The following TUBGCP3 variants were observed in gnomAD, a reference collection of about 807,000 sequenced individuals.
The protein encoded by TUBGCP3 is gamma-tubulin complex component 3.
Under a neutral mutation model 123.1 loss-of-function variants are expected in TUBGCP3, and 50 were observed. That is an observed-to-expected ratio of 0.41 (90% confidence interval 0.32 to 0.51). The LOEUF is 0.51. TUBGCP3 is among the 20% of genes least tolerant of loss of function. The pLI is 0.36. For synonymous variants in TUBGCP3, 405 were observed against 413.9 expected, an observed-to-expected ratio of 0.98 and a Z score of 0.26; for missense variants, 882 against 1,127.0, an observed-to-expected ratio of 0.78 and a Z score of 3.11.
rs925403803 is a variant in TUBGCP3, at chr13:112,522,379, C to G, written c.1686G>C (p.Met562Ile). The change falls in exon 14 of 22, where the codon ATG becomes ATC. Residue 562 changes from methionine to isoleucine, a missense_variant. Physicochemically the swap from Met to Ile is conservative, Grantham distance 10. Coordinates refer to ENST00000261965, the MANE Select transcript of TUBGCP3 (RefSeq NM_006322.6). The stretch of plus-strand genomic sequence containing the variant: ...CTTGACCAAGAAGCAGGTACCGCCT[C>G]ATTGCCTGCATGTGGTCCAGCAAGC... ...KYSLLDHMQA[M>I]RRYLLLGQGD... The G allele has an allele frequency of 9.3e-6, 15 of 1,614,018 alleles. No homozygotes were observed. Among genetic ancestry groups the G allele is most frequent in the Non-Finnish European group, 1.1e-5 (13 of 1,179,862 alleles).
At chr13:112,506,040 C>T (rs1175090286) in intron 17 of TUBGCP3, among the ~76,000 whole-genome samples, 1 of 152,144 alleles carries the variant, frequency 6.6e-6, no homozygotes, top group Non-Finnish European at 1.5e-5. Flanking sequence ...AAATATATGG[C>T]AGCCAGTAAC....
chr13:112,576,816 A>G lies in TUBGCP3; in HGVS notation c.77-7557T>C, dbSNP rs561573773. On this transcript the variant is annotated intron_variant, in intron 1 of 21. Transcript: ENST00000261965. Reference sequence around the variant, plus strand: ...ATGCTTTCTTTAAAAAGGAAGATAGACCTCAAATCAATAATCTCAGTTTAT... The same window carrying G: ...ATGCTTTCTTTAAAAAGGAAGATAGGCCTCAAATCAATAATCTCAGTTTAT... Among the ~76,000 whole-genome samples the G allele has an allele frequency of 4.5e-4, 68 of 152,168 alleles. 1 individual carries two copies. In the South Asian group the frequency reaches 0.013, roughly 30 times the overall value.
At chr13:112,599,710 G>C in the TUBGCP3 span, among the ~76,000 whole-genome samples, 1 of 151,776 alleles carries the variant, frequency 6.6e-6, no homozygotes, top group Non-Finnish European at 1.5e-5. Flanking sequence ...TAGTAGAGAC[G>C]GGGATTCGCT....
chr13:112,580,994 TC>T (rs1227252582), intron 1 of TUBGCP3, among the ~76,000 whole-genome samples: 1 of 151,612 alleles, frequency 6.6e-6, no homozygotes, highest in Non-Finnish European at 1.5e-5. Flanking sequence ...GTCAAAGTGA[TC>T]CTCTTAAAAT....
chr13:112,554,123 C>A lies in TUBGCP3; in HGVS notation c.900G>T (p.Leu300Phe), dbSNP rs2139209070. 1 of 1,614,160 alleles carries A rather than the reference C, an allele frequency of 6.2e-7. No individual in the cohort carries two copies. The highest frequency in any genetic ancestry group is 1.1e-5 in the South Asian group (1 of 91,070). Residue 300 changes from leucine (L) to phenylalanine (F), a missense_variant, in exon 8 of 22, where the codon TTG (leucine) becomes TTT (phenylalanine). Physicochemically the swap from Leu to Phe is conservative, Grantham distance 22. Coordinates refer to ENST00000261965, the MANE Select transcript of TUBGCP3 (RefSeq NM_006322.6). ...CCGTGTATCTTCTGATTTTATTATG[C>A]AACCATCCCAACTCAGAAAGCCTGA... ...TAVRLSELGW[L>F]HNKIRRYTDQ...
In TUBGCP3 at chr13:112,562,232, A is replaced by T. The variant is rs138212523; in HGVS notation, c.253-2833T>A. Among the ~76,000 whole-genome samples, 70 of 151,918 alleles carry T rather than the reference A, an allele frequency of 4.6e-4. No homozygotes were observed. The East Asian group carries it at 0.011, about 25-fold the overall frequency. On this transcript the variant is annotated intron_variant, in intron 3 of 21. Transcript: ENST00000261965. ...GACCCACTAGGGACCACCACCAGCC[A>T]GGGCCTACTAGGGAATACCACCAGC...
chr13:112,513,152 A>G (rs1881783335), intron 17 of TUBGCP3, among the ~76,000 whole-genome samples: 2 of 152,364 alleles, frequency 1.3e-5, no homozygotes, highest in Admixed American at 1.3e-4. Context: ...AGGCTGAGAA[A>G]GAATACAGGC....
upstream of TUBGCP3, among the ~76,000 whole-genome samples, chr13:112,593,016 C>T (rs1391888902): frequency 2.6e-5 from 4 of 152,178 alleles, no homozygotes; most frequent in South Asian, 2.1e-4. Flanking sequence ...AAGTTTTGAT[C>T]GTTGCATTAG....
intron 1 of TUBGCP3, among the ~76,000 whole-genome samples, chr13:112,579,907 C>T (rs1319727762): frequency 1.3e-5 from 2 of 152,224 alleles, no homozygotes; most frequent in Non-Finnish European, 2.9e-5. Flanking sequence ...CAGCATTATC[C>T]ATAACTGCCA....
chr13:112,488,131 CAAAAAAAAA>C (rs35453839), intron 21 of TUBGCP3, among the ~76,000 whole-genome samples: 1 of 53,444 alleles, frequency 1.9e-5, no homozygotes, highest in Non-Finnish European at 4.2e-5. Context: ...GACTTGGTCT[CAAAAAAAAA>C]AAAAAAAAAA....
the TUBGCP3 span, among the ~76,000 whole-genome samples, chr13:112,601,589 G>A: frequency 6.6e-6 from 1 of 152,132 alleles, no homozygotes; most frequent in Admixed American, 6.5e-5. Flanking sequence ...CGGGTTCTGA[G>A]GTCAGATCAC....
At chr13:112,559,683 A>G (rs982319638) in intron 3 of TUBGCP3, among the ~76,000 whole-genome samples, 5 of 152,228 alleles carry the variant, frequency 3.3e-5, no homozygotes, top group African/African-American at 1.2e-4. Flanking sequence ...CCTGAATAAC[A>G]GTATCGTCTC....
chr13:112,563,888 AGT>A (rs1054678713), intron 3 of TUBGCP3, among the ~76,000 whole-genome samples: 4 of 110,262 alleles, frequency 3.6e-5, no homozygotes, highest in African/African-American at 1.1e-4. Flanking sequence ...AAAAAAAAAA[AGT>A]GTCTAAATAT....
chr13:112,575,283 A>G (rs1881721642), intron 1 of TUBGCP3, among the ~76,000 whole-genome samples: 1 of 152,262 alleles, frequency 6.6e-6, no homozygotes, highest in African/African-American at 2.4e-5. Context: ...CCATGAAAAC[A>G]CTATTCAAAG....
intron 1 of TUBGCP3, among the ~76,000 whole-genome samples, chr13:112,582,221 G>A (rs1293391588): frequency 6.6e-6 from 1 of 152,166 alleles, no homozygotes; most frequent in African/African-American, 2.4e-5. Context: ...CCAAAATACT[G>A]TTCAGTGTTT....
chr13:112,544,027 ATATTCT>A (rs1878745714), intron 11 of TUBGCP3, among the ~76,000 whole-genome samples: 1 of 152,226 alleles, frequency 6.6e-6, no homozygotes, highest in Non-Finnish European at 1.5e-5. Flanking sequence ...TTAGGTGAAA[ATATTCT>A]TATTAACATT....
At chr13:112,494,437 T>C (rs1409283822) in intron 20 of TUBGCP3, among the ~76,000 whole-genome samples, 5 of 152,180 alleles carry the variant, frequency 3.3e-5, no homozygotes, top group African/African-American at 4.8e-5. Context: ...AAATAGTATA[T>C]TTTGAGCTGT....
At position 112,485,817 on chromosome 13, in the gene TUBGCP3, C is replaced by T. The variant is rs963595903; in HGVS notation, c.*176G>A. On this transcript the variant is annotated 3_prime_UTR_variant, in exon 22 of 22. Transcript: ENST00000261965. ...AGGGATTTACAAATGCATTCGACTC[C>T]GACATGTGAAACACGACGTGGCTTC... is the stretch of plus-strand genomic sequence containing the variant. 1.0e-5 allele frequency: 7 copies of T among 701,068 alleles called. No homozygotes were observed. The highest frequency in any genetic ancestry group is 6.0e-5 in the South Asian group (3 of 49,974). 43.4% of individuals were successfully genotyped at this position (701,068 alleles called of 1,614,324 possible).
At chr13:112,566,165 G>A (rs144030930) in intron 2 of TUBGCP3, among the ~76,000 whole-genome samples, 11 of 152,272 alleles carry the variant, frequency 7.2e-5, no homozygotes, top group Admixed American at 2.6e-4. Context: ...GAGAAGCTGC[G>A]GTCGTATTGG....
Sources: allele counts gnomAD v4.1 joint callset (sites outside exome capture counted in the v4.1 genomes callset), GRCh38; gene constraint gnomAD v4.1.1; transcripts MANE v1.5; gene names NCBI Gene and HGNC (gene_info 2026-07-23, HGNC 2026-07-21).